ZNF695: variants seen among roughly 807,000 people sequenced by gnomAD.
ZNF695 encodes the protein zinc finger protein SBZF3.
Under a neutral mutation model 11.2 loss-of-function variants are expected in ZNF695, and 11 were observed. The ratio of observed to expected loss-of-function variants is 0.98; its 90% CI spans 0.62 to 1.62. ZNF695 has a LOEUF of 1.62. Among genes scored for constraint, ZNF695 ranks in the 40% most tolerant of loss-of-function variants. The probability of loss-of-function intolerance (pLI) is 0.00; values close to 1 mark genes in which losing one functional copy is unlikely to be tolerated. For missense variants in ZNF695, 559 were observed against 590.5 expected (o/e 0.95, Z 0.55); for synonymous variants, 190 against 201.4 (o/e 0.94, Z 0.48).
At chr1:246,975,971 C>G (rs752458755) in intron 4 of ZNF695, among the ~76,000 whole-genome samples, 1 of 152,076 alleles carries the variant, frequency 6.6e-6, no homozygotes, top group African/African-American at 2.4e-5. Context: ...AAGGAGGAAA[C>G]GACCATCTCT....
At position 246,985,392 on chromosome 1, in the gene ZNF695, C is replaced by T; in HGVS notation, c.*1575G>A. On this transcript the variant is annotated 3_prime_UTR_variant, in exon 4 of 4. Transcript: ENST00000339986. The stretch of plus-strand genomic sequence containing the variant: ...ACACTGTCATTACAAAAAGAGCAAA[C>T]AGAATGAAGGTGTAACGTGTGGGAA... 5.1e-6 allele frequency: 5 copies of T among 985,170 alleles called. No individual in the cohort carries two copies. Among genetic ancestry groups the T allele is most frequent in the Non-Finnish European group, 6.0e-6 (5 of 829,854 alleles). The allele number at this position is 985,170 out of a possible 1,614,324, so 61.0% of individuals were successfully genotyped here.
intron 4 of ZNF695, among the ~76,000 whole-genome samples, chr1:246,977,870 T>C (rs921806644): frequency 2.6e-5 from 4 of 152,214 alleles, no homozygotes; most frequent in South Asian, 2.1e-4. Flanking sequence ...ACCTGGTCAT[T>C]GTGCTCAAGC....
chr1:246,963,349 G>T (rs1668209802), intron 5 of ZNF695, among the ~76,000 whole-genome samples: 1 of 152,192 alleles, frequency 6.6e-6, no homozygotes, highest in African/African-American at 2.4e-5. Flanking sequence ...ACTTTGGGAG[G>T]CTGAGGCAGG....
rs906712627 is a variant in ZNF695, at chr1:247,008,021, G to T, written c.-113C>A. ...CGGGACTCTCCGAGAGGCAGCAGAC[G>T]GGAACCCAGCACCCCGCCGGCCGCA... On this transcript the variant is annotated 5_prime_UTR_variant, in exon 1 of 4. Transcript: ENST00000339986. 18 of 1,246,988 alleles carry T rather than the reference G, an allele frequency of 1.4e-5. No homozygotes were observed. In the East Asian group the frequency reaches 2.0e-4, roughly 14 times the overall value. The allele number at this position is 1,246,988 out of a possible 1,614,324, so 77.2% of individuals were successfully genotyped here.
At chr1:246,951,749 G>A (rs1205923043) in intron 5 of ZNF695, among the ~76,000 whole-genome samples, 1 of 152,184 alleles carries the variant, frequency 6.6e-6, no homozygotes, top group African/African-American at 2.4e-5. Flanking sequence ...GAACTGCTGA[G>A]ACCTGGTAAG....
chr1:246,962,861 T>A (rs143819858), intron 5 of ZNF695, among the ~76,000 whole-genome samples: 2,095 of 151,902 alleles, frequency 0.014, 42 homozygotes, highest in African/African-American at 0.047. Flanking sequence ...CCCGGCTAAT[T>A]TTTTTTTGTA....
At chr1:246,990,086 AAGAG>A (rs981565315) in intron 3 of ZNF695, among the ~76,000 whole-genome samples, 27 of 150,932 alleles carry the variant, frequency 1.8e-4, no homozygotes, top group Admixed American at 1.7e-3. Flanking sequence ...GGAAGGGAGA[AAGAG>A]AGAGAAGAAG....
At chr1:246,984,663 C>T (rs1221016017), downstream of ZNF695, among the ~76,000 whole-genome samples, 1 of 152,118 alleles carries the variant, frequency 6.6e-6, no homozygotes, top group African/African-American at 2.4e-5. Context: ...AGTCAATAAA[C>T]TCAATTACTC....
downstream of ZNF695, among the ~76,000 whole-genome samples, chr1:246,984,944 G>A (rs1193164519): frequency 6.6e-6 from 1 of 152,110 alleles, no homozygotes; most frequent in Admixed American, 6.5e-5. Context: ...GTAAAAACAG[G>A]AATTTCATGT....
intron 4 of ZNF695, chr1:246,969,628 G>A (rs764199782): frequency 6.6e-6 from 1 of 151,244 alleles, no homozygotes; most frequent in Non-Finnish European, 1.5e-5. Context: ...CCACTTTTCT[G>A]TATTAGTTCA....
intron 3 of ZNF695, among the ~76,000 whole-genome samples, chr1:246,988,785 G>A (rs1042596282): frequency 3.3e-5 from 5 of 152,078 alleles, no homozygotes; most frequent in African/African-American, 4.8e-5. Flanking sequence ...GAGAAATCCC[G>A]TCTCTACTAA....
chr1:246,949,959 T>C (rs201667816), intron 5 of ZNF695, among the ~76,000 whole-genome samples: 1 of 152,218 alleles, frequency 6.6e-6, no homozygotes, highest in East Asian at 1.9e-4. Context: ...GCTTAAGTAA[T>C]ATTTTTATTA....
intron 1 of ZNF695, among the ~76,000 whole-genome samples, chr1:247,002,715 A>G (rs2818872): frequency 0.9 from 137,531 of 151,998 alleles, 62,312 homozygotes; most frequent in East Asian, 0.99. Flanking sequence ...CCCAGGGGGC[A>G]GAGGTTGCGG....
intron 3 of ZNF695, chr1:246,996,053 A>G (rs1213001684): frequency 4.4e-6 from 2 of 453,594 alleles, no homozygotes; most frequent in Non-Finnish European, 8.9e-6. Context: ...ATAATTCAGA[A>G]TACACAAATA....
At chr1:246,966,619 T>A (rs761508310) in intron 5 of ZNF695, among the ~76,000 whole-genome samples, 1 of 152,126 alleles carries the variant, frequency 6.6e-6, no homozygotes, top group Non-Finnish European at 1.5e-5. Flanking sequence ...AACCTGTCTC[T>A]ACAATTCTTT....
chr1:246,984,806 T>A (rs1365414312), downstream of ZNF695, among the ~76,000 whole-genome samples: 1 of 152,276 alleles, frequency 6.6e-6, no homozygotes, highest in African/African-American at 2.4e-5. Context: ...CATCTTCAGA[T>A]TATTTTTTAA....
At chr1:246,950,788 T>G (rs1160803219) in intron 5 of ZNF695, among the ~76,000 whole-genome samples, 1 of 152,192 alleles carries the variant, frequency 6.6e-6, no homozygotes, top group Non-Finnish European at 1.5e-5. Flanking sequence ...GACAAGGTAC[T>G]TGACCACTCT....
At chr1:246,953,975 CAAAG>C (rs1667931861) in intron 5 of ZNF695, among the ~76,000 whole-genome samples, 1 of 140,836 alleles carries the variant, frequency 7.1e-6, no homozygotes, top group Admixed American at 7.0e-5. Flanking sequence ...ACCCGAAAAA[CAAAG>C]AAGCCTAAAA....
chr1:246,952,058 C>A (rs1305054774), intron 5 of ZNF695, among the ~76,000 whole-genome samples: 1 of 152,186 alleles, frequency 6.6e-6, no homozygotes, highest in East Asian at 1.9e-4. Context: ...AGGCGATTCT[C>A]CCACCTCAGC....
Sources: gnomAD v4.1 joint callset for allele counts (sites outside exome capture counted in the v4.1 genomes callset) on GRCh38, gnomAD v4.1.1 for gene constraint, MANE v1.5 for transcripts, NCBI Gene and HGNC (gene_info 2026-07-23, HGNC 2026-07-21) for gene names.